Variants in GRID2IP observed in about 807,000 individuals in gnomAD.
GRID2IP encodes the protein Grid2 interacting protein.
GRID2IP carries 78 observed loss-of-function variants against 114.3 expected under a neutral mutation model. That is an observed-to-expected ratio of 0.68 (90% CI 0.57 to 0.82). The LOEUF (loss-of-function observed/expected upper bound fraction) is 0.82. Among genes scored for constraint, GRID2IP ranks in the 40% least tolerant of loss-of-function variants. The pLI, the probability that GRID2IP is intolerant of heterozygous loss-of-function variation, is 0.00. For synonymous variants in GRID2IP, 809 were observed against 724.0 expected (o/e 1.12, Z -1.89); for missense variants, 1,727 against 1,678.5 (o/e 1.03, Z -0.51).
At chr7:6,529,619 T>C (rs916864105) in intron 2 of GRID2IP, among the ~76,000 whole-genome samples, 6 of 152,162 alleles carry the variant, frequency 3.9e-5, no homozygotes, top group Non-Finnish European at 5.9e-5. Flanking sequence ...TGGCCCTCCA[T>C]GCAGCTCAGT....
Position 6,508,196 on chromosome 7 carries a change from C to G in GRID2IP, c.2333G>C (p.Arg778Pro). The G allele has an allele frequency of 7.3e-7, 1 of 1,365,960 alleles. No homozygotes were observed. 84.6% of individuals were successfully genotyped at this position (1,365,960 alleles called of 1,614,324 possible). A position where few individuals can be genotyped will look rare whatever the true frequency, so the allele number is the denominator to read the frequency against. Residue 778 changes from arginine to proline, a missense_variant, in exon 13 of 22, where the codon CGG becomes CCG. Transcript: ENST00000457091. This position sits in a 1 kb window ranked among gnomAD's most constrained non-coding sequence, Gnocchi z 5.6. The stretch of plus-strand genomic sequence containing the variant: ...CTTGGCCAGCGCCTGAGCAGGGCCC[C>G]GGGAACCATCAGAGCTGCGGGAGCT... ...KPSSRSSDGS[R>P]GPAQALAKPL...
rs1407777304 is a variant in GRID2IP, at chr7:6,551,269, C to CG, written c.167dup (p.Val57GlyfsTer60). Reference sequence around the variant, plus strand: ...GGCGCTCGCGGCTCAGACCGCCCACCGCCAGCCCCTCCACCTCCAGGATCT... The same window carrying CG: ...GGCGCTCGCGGCTCAGACCGCCCACCGGCCAGCCCCTCCACCTCCAGGATCT... On this transcript the variant is annotated frameshift_variant, in exon 1 of 22. Coordinates refer to ENST00000457091, the MANE Select transcript of GRID2IP (RefSeq NM_001145118.2). LOFTEE classifies it high-confidence loss of function. The CG allele has an allele frequency of 2.6e-6, 4 of 1,538,102 alleles. No homozygotes were observed. In the East Asian group the frequency reaches 9.8e-5, roughly 38 times the overall value.
At chr7:6,501,184 A>G (rs4720677) in intron 20 of GRID2IP, among the ~76,000 whole-genome samples, 133,508 of 152,064 alleles carry the variant, frequency 0.88, 59,173 homozygotes, top group Non-Finnish European at 0.93. Flanking sequence ...ACCCATGTCT[A>G]TACTAAAAAT....
chr7:6,548,094 G>C (rs1779913975), intron 1 of GRID2IP, among the ~76,000 whole-genome samples: 1 of 152,204 alleles, frequency 6.6e-6, no homozygotes, highest in African/African-American at 2.4e-5. Context: ...GCTCACACCT[G>C]TAATTCCAGC....
intron 2 of GRID2IP, among the ~76,000 whole-genome samples, chr7:6,527,764 T>TG (rs1779543413): frequency 6.6e-6 from 1 of 151,136 alleles, no homozygotes; most frequent in Non-Finnish European, 1.5e-5. Flanking sequence ...AGGCTAATTT[T>TG]TTTTTTTTTT....
In GRID2IP at chr7:6,528,972, G is replaced by A. The variant is rs1354786027; in HGVS notation, c.585-2203C>T. 2.0e-5 allele frequency among the ~76,000 whole-genome samples: 3 copies of A among 152,134 alleles called. No individual in the cohort carries two copies. The highest frequency in any genetic ancestry group is 3.9e-4 in the East Asian group (2 of 5,172). On this transcript the variant is annotated intron_variant, in intron 2 of 21. Coordinates refer to ENST00000457091, the MANE Select transcript of GRID2IP (RefSeq NM_001145118.2). This position sits in a 1 kb window ranked among gnomAD's most constrained non-coding sequence, Gnocchi z 6.0. ...CTGCCAGGCCTGCACATTCCCTAGC[G>A]CCTCCCAGACCTCAAGCCTCATGTC...
intron 10 of GRID2IP, 78 bp downstream of exon 10, chr7:6,510,531 G>T: frequency 1.5e-6 from 2 of 1,330,876 alleles, no homozygotes; most frequent in Non-Finnish European, 1.0e-6. Context: ...CTTGGCCTGG[G>T]TCTCCTGGGC....
At chr7:6,522,014 C>G in intron 4 of GRID2IP, 57 bp from the exon 5 acceptor site, 1 of 1,357,958 alleles carries the variant, frequency 7.4e-7, no homozygotes, top group Non-Finnish European at 1.0e-6. Flanking sequence ...ACTTTGAGAG[C>G]AGGATGCTAT....
Position 6,521,984 on chromosome 7 carries a change from G to A in GRID2IP, c.920-27C>T, listed in dbSNP as rs375783224. 426 of 1,535,434 alleles carry A rather than the reference G, an allele frequency of 2.8e-4. 2 individuals are homozygous for A. The highest frequency in any genetic ancestry group is 8.7e-4 in the South Asian group (73 of 83,718). ...TGGAAGCAAGAAGAGAGGGTGTGCC[G>A]GTCAGCTGGGCAGGGTACCACTTTG... On this transcript the variant is annotated intron_variant, in intron 4 of 21. Coordinates refer to ENST00000457091, the MANE Select transcript of GRID2IP (RefSeq NM_001145118.2). The surrounding 1 kb of genome is among the most constrained non-coding windows in gnomAD (Gnocchi z 4.1).
intron 1 of GRID2IP, among the ~76,000 whole-genome samples, chr7:6,549,801 T>A (rs780106462): frequency 1.3e-4 from 19 of 151,460 alleles, no homozygotes; most frequent in East Asian, 1.9e-4. Context: ...TTTTTTTTTT[T>A]TATATTTTTG....
At position 6,520,557 on chromosome 7, in the gene GRID2IP, C is replaced by A. The variant is rs1229986651; in HGVS notation, c.1268+21G>T. ...AGGGCCCACCCAGGGCAGGGCCCCA[C>A]CGCGGCTTTGGCCCGGCCACCTGTG... On this transcript the variant is annotated intron_variant, in intron 7 of 21. Transcript: ENST00000457091. This position sits in a 1 kb window ranked among gnomAD's most constrained non-coding sequence, Gnocchi z 4.6. 3 of 1,546,054 alleles carry A rather than the reference C, an allele frequency of 1.9e-6. No individual in the cohort carries two copies. In the African/African-American group the frequency reaches 4.1e-5, roughly 21 times the overall value.
rs1015050160 is a variant in GRID2IP at position 6,523,273 on chromosome 7, G to A, written c.920-1316C>T. ...TTAGGGAAGACTTCCCGGGAGAGGC[G>A]AGATGGGGGAAGTCCTTTCCCTGGA... On this transcript the variant is annotated intron_variant, in intron 4 of 21. Transcript: ENST00000457091. The surrounding 1 kb of genome is among the most constrained non-coding windows in gnomAD (Gnocchi z 4.5). Among the ~76,000 whole-genome samples the A allele has an allele frequency of 2.6e-5, 4 of 152,164 alleles. No individual in the cohort carries two copies. The highest frequency in any genetic ancestry group is 4.4e-5 in the Non-Finnish European group (3 of 68,034).
rs543705351 is a variant in GRID2IP at position 6,510,891 on chromosome 7, C to T, written c.1555+17G>A. ...AACTGAGCTCCATTCATACCCTCCC[C>T]CTGACACCAGCCTTACCGCAGCTGA... On this transcript the variant is annotated intron_variant, in intron 9 of 21. Coordinates refer to ENST00000457091, the MANE Select transcript of GRID2IP (RefSeq NM_001145118.2). 1.9e-5 allele frequency: 30 copies of T among 1,549,764 alleles called. No homozygotes were observed. The highest frequency in any genetic ancestry group is 2.4e-5 in the Non-Finnish European group (27 of 1,145,980).
intron 20 of GRID2IP, among the ~76,000 whole-genome samples, chr7:6,500,323 T>C (rs1786376274): frequency 6.6e-6 from 1 of 151,704 alleles, no homozygotes; most frequent in African/African-American, 2.4e-5. Flanking sequence ...AATTAGCCGG[T>C]TGTGGTGGTG....
At chr7:6,531,816 G>A (rs569499529) in intron 2 of GRID2IP, among the ~76,000 whole-genome samples, 1 of 152,340 alleles carries the variant, frequency 6.6e-6, no homozygotes, top group East Asian at 1.9e-4. Flanking sequence ...TGGCACACCA[G>A]GAGAGGGCTG....
intron 1 of GRID2IP, among the ~76,000 whole-genome samples, chr7:6,540,579 G>C (rs1779800345): frequency 6.6e-6 from 1 of 150,468 alleles, no homozygotes; most frequent in South Asian, 2.1e-4. Flanking sequence ...GGGGTGCGGT[G>C]GCTCAATCTT....
chr7:6,515,727 C>T (rs10266667), intron 7 of GRID2IP, among the ~76,000 whole-genome samples: 82,174 of 149,572 alleles, frequency 0.55, 23,138 homozygotes, highest in African/African-American at 0.65. Context: ...GAGGTTGCAC[C>T]GAGCCAAGAT....
At chr7:6,546,843 CCCCCTT>C (rs1779896838) in intron 1 of GRID2IP, among the ~76,000 whole-genome samples, 1 of 152,166 alleles carries the variant, frequency 6.6e-6, no homozygotes, top group Non-Finnish European at 1.5e-5. Flanking sequence ...TCTGAACGTG[CCCCCTT>C]CCAACTCTGC....
chr7:6,540,010 A>G, intron 1 of GRID2IP, 138 bp from the exon 2 acceptor site: 1 of 609,764 alleles, frequency 1.6e-6, no homozygotes, highest in Non-Finnish European at 2.8e-6. Flanking sequence ...TGCTATGCCC[A>G]TATCATGCCC....
Sources: allele counts gnomAD v4.1 joint callset (sites outside exome capture counted in the v4.1 genomes callset), GRCh38; gene constraint gnomAD v4.1.1; non-coding constraint Gnocchi (gnomAD v3.1); transcripts MANE v1.5; gene names NCBI Gene and HGNC (gene_info 2026-07-23, HGNC 2026-07-21).